USP14: variants seen among roughly 807,000 people sequenced by gnomAD.
USP14 encodes ubiquitin carboxyl-terminal hydrolase 14.
A neutral mutation model predicts 76.5 loss-of-function variants in USP14; 38 were observed. The ratio of observed to expected loss-of-function variants is 0.50; its 90% CI spans 0.38 to 0.65. The LOEUF (loss-of-function observed/expected upper bound fraction) is 0.65, where lower values mean the gene tolerates loss of function less well. Ranked by LOEUF, USP14 falls within the 30% of genes least tolerant of loss-of-function variation. USP14 has a pLI of 0.00. For synonymous variants in USP14, 192 were observed against 191.7 expected, an observed-to-expected ratio of 1.00 and a Z score of -0.01; for missense variants, 467 against 586.5, an observed-to-expected ratio of 0.80 and a Z score of 2.10.
In USP14 at chr18:159,490, AAT is replaced by A. The variant is rs372108424; in HGVS notation, c.16+779_16+780del. On this transcript the variant is annotated intron_variant, in intron 1 of 15. Transcript: ENST00000261601. ...TAGCCTTATTCAAAATGGCACCTAA[AAT>A]ATGTGTGGTGTCTCCAATTGGCTGT... is the stretch of plus-strand genomic sequence containing the variant. 3.5e-3 allele frequency among the ~76,000 whole-genome samples: 539 copies of A among 152,276 alleles called. 1 individual carries two copies. Among genetic ancestry groups the A allele is most frequent in the African/African-American group, 0.012 (502 of 41,554 alleles).
rs183766525 is a variant in USP14, at chr18:204,583, T to C, written c.1055T>C (p.Met352Thr). The C allele has an allele frequency of 4.1e-5, 65 of 1,601,012 alleles. No individual in the cohort carries two copies. In the East Asian group the frequency reaches 1.3e-3, roughly 33 times the overall value. Reference sequence around the variant, plus strand: ...ATATAGGATGTTAAATTTCCTCTTATGTTGGATATGTATGAACTGTGTACA... The same window carrying C: ...ATATAGGATGTTAAATTTCCTCTTACGTTGGATATGTATGAACTGTGTACA... ...KVLKDVKFPLMLDMYELCTPE... is the reference protein window; with the variant it reads ...KVLKDVKFPLTLDMYELCTPE... Residue 352 changes from methionine to threonine, a missense_variant, in exon 13 of 16, where the codon ATG becomes ACG. By Grantham distance (81) the Met-to-Thr change is moderately conservative. Transcript: ENST00000261601.
intron 3 of USP14, among the ~76,000 whole-genome samples, chr18:170,969 T>G (rs1005136997): frequency 7.0e-6 from 1 of 143,340 alleles, no homozygotes; most frequent in African/African-American, 2.6e-5. Context: ...TGTTTACCTG[T>G]GTAACAAGCA....
rs1251157229 is a variant in USP14, at chr18:198,130, T to C, written c.759T>C (p.Thr253=). ...IDQFFGVEFE[T]TMKCTESEEE... is the part of the protein sequence containing the mutation. Reference sequence around the variant, plus strand: ...AGTTCTTCGGTGTTGAGTTTGAAACTACGTATCCTTATGAGCCAAGATATA... The same window carrying C: ...AGTTCTTCGGTGTTGAGTTTGAAACCACGTATCCTTATGAGCCAAGATATA... The change falls in exon 9 of 16, where the codon ACT becomes ACC. Residue 253 remains threonine (T), a splice_region_variant and synonymous_variant. Coordinates refer to ENST00000261601, the MANE Select transcript of USP14 (RefSeq NM_005151.4). The C allele has an allele frequency of 6.2e-7, 1 of 1,603,168 alleles. No individual in the cohort carries two copies. Among genetic ancestry groups the C allele is most frequent in the Non-Finnish European group, 8.5e-7 (1 of 1,173,360 alleles).
In USP14 at chr18:213,287, C is replaced by CAA. The variant is rs1031280706; in HGVS notation, c.*2005_*2006dup. The stretch of plus-strand genomic sequence containing the variant: ...TAGACCAGGTGAGCTAGGTTTAGAG[C>CAA]AAAGTATATAAGCCTTGTATGGACT... On this transcript the variant is annotated 3_prime_UTR_variant, in exon 16 of 16. Coordinates refer to ENST00000261601, the MANE Select transcript of USP14 (RefSeq NM_005151.4). The CAA allele has an allele frequency of 1.3e-5, 2 of 152,058 alleles. No homozygotes were observed. Among genetic ancestry groups the CAA allele is most frequent in the African/African-American group, 4.8e-5 (2 of 41,420 alleles). The allele number at this position is 152,058 out of a possible 1,614,324, so 9.4% of individuals were successfully genotyped here.
intron 5 of USP14, among the ~76,000 whole-genome samples, chr18:189,042 A>G (rs1325079754): frequency 6.6e-6 from 1 of 151,864 alleles, no homozygotes; most frequent in Non-Finnish European, 1.5e-5. Flanking sequence ...ATATTTTCCT[A>G]CAAAATTGTC....
chr18:158,593 C>G lies in USP14; in HGVS notation c.-106C>G. On this transcript the variant is annotated 5_prime_UTR_variant, in exon 1 of 16. Coordinates refer to ENST00000261601, the MANE Select transcript of USP14 (RefSeq NM_005151.4). ...GTCGCACCGAAGCCGCCGCCACCACCGCGCCTCCGCCTCGGCCGCCGCCGC... is the reference window on the plus strand; with the variant it reads ...GTCGCACCGAAGCCGCCGCCACCACGGCGCCTCCGCCTCGGCCGCCGCCGC... 2 of 1,246,712 alleles carry G rather than the reference C, an allele frequency of 1.6e-6. No individual in the cohort carries two copies. The highest frequency in any genetic ancestry group is 1.4e-5 in the South Asian group (1 of 71,770). 77.2% of individuals were successfully genotyped at this position (1,246,712 alleles called of 1,614,324 possible).
intron 4 of USP14, among the ~76,000 whole-genome samples, chr18:179,301 G>C (rs971499761): frequency 4.6e-5 from 7 of 151,828 alleles, no homozygotes; most frequent in Non-Finnish European, 8.8e-5. Flanking sequence ...ATTTACTTAG[G>C]CTTAACTTAC....
At position 209,982 on chromosome 18, in the gene USP14, G is replaced by T. The variant is rs779577524; in HGVS notation, c.1176G>T (p.Lys392Asn). The T allele has an allele frequency of 5.6e-6, 9 of 1,602,022 alleles. No homozygotes were observed. The highest frequency in any genetic ancestry group is 7.7e-6 in the Non-Finnish European group (9 of 1,176,104). The change falls in exon 14 of 16, where the codon AAG becomes AAT. Residue 392 changes from lysine to asparagine, a missense_variant. By Grantham distance (94) the Lys-to-Asn change is moderately conservative (BLOSUM62 0). Coordinates refer to ENST00000261601, the MANE Select transcript of USP14 (RefSeq NM_005151.4). ...TTTTTTCTCCTCAGAGTGACAAAAA[G>T]AGTAGTCCCCAGAAAGAAGTTAAGT... ...VNQQPNTSDK[K>N]SSPQKEVKYE...
At chr18:179,274 T>G (rs1441276338) in intron 4 of USP14, among the ~76,000 whole-genome samples, 1 of 152,156 alleles carries the variant, frequency 6.6e-6, no homozygotes, top group Non-Finnish European at 1.5e-5. Flanking sequence ...ACTACTGGTT[T>G]TCAGACTTCC....
intron 2 of USP14, among the ~76,000 whole-genome samples, chr18:164,500 C>T (rs1440180392): frequency 2.0e-5 from 3 of 151,870 alleles, no homozygotes; most frequent in Non-Finnish European, 2.9e-5. Flanking sequence ...GTTGCCCATG[C>T]TGGAGTGCAG....
At chr18:170,511 C>G (rs1477362975) in intron 3 of USP14, among the ~76,000 whole-genome samples, 1 of 152,038 alleles carries the variant, frequency 6.6e-6, no homozygotes, top group East Asian at 1.9e-4. Context: ...GTCCAGTTTT[C>G]AAAGGAAATT....
At chr18:179,367 GTATTTACTATTAC>G (rs371023410) in intron 4 of USP14, among the ~76,000 whole-genome samples, 21 of 151,996 alleles carry the variant, frequency 1.4e-4, no homozygotes, top group African/African-American at 5.1e-4. Context: ...TACTATATAA[GTATTTACTATTAC>G]TATTTTATGA....
Position 196,732 on chromosome 18 carries a change from G to T in USP14, c.559G>T (p.Ala187Ser). 6.2e-7 allele frequency: 1 copy of T among 1,614,036 alleles called. No homozygotes were observed. The highest frequency in any genetic ancestry group is 8.5e-7 in the Non-Finnish European group (1 of 1,179,988). The change falls in exon 7 of 16, where the codon GCC (alanine) becomes TCC (serine). Residue 187 changes from alanine (A) to serine (S), a missense_variant. By Grantham distance (99) the Ala-to-Ser change is moderately conservative. Transcript: ENST00000261601. ...TTTGCACATGGCTTTCCCACAGTTT[G>T]CCGAGAAAGGTGAACAAGGACAGTA... ...QFLHMAFPQF[A>S]EKGEQGQYLQ...
chr18:209,589 AGTT>A (rs979311214), intron 13 of USP14, among the ~76,000 whole-genome samples: 15 of 152,276 alleles, frequency 9.9e-5, no homozygotes, highest in African/African-American at 3.4e-4. Context: ...TTTTAGAGGT[AGTT>A]GTTTTTTCCC....
intron 6 of USP14, among the ~76,000 whole-genome samples, chr18:194,432 T>G (rs1225775283): frequency 6.6e-6 from 1 of 152,238 alleles, no homozygotes; most frequent in African/African-American, 2.4e-5. Context: ...TTTTTAACTT[T>G]TTGTTTTGAA....
In USP14 at chr18:181,831, T is replaced by C. The variant is rs1030337220; in HGVS notation, c.404+1492T>C. Among the ~76,000 whole-genome samples the C allele has an allele frequency of 6.8e-4, 104 of 152,292 alleles. 1 individual carries two copies. Among genetic ancestry groups the C allele is most frequent in the African/African-American group, 2.3e-3 (95 of 41,586 alleles). On this transcript the variant is annotated intron_variant, in intron 5 of 15. Transcript: ENST00000261601. ...TCTAGGTTACAAAGACTTACTTCTT[T>C]GTTGTTTTTCAAGAGTTAATATACT...
chr18:172,079 A>G (rs1418301858), intron 3 of USP14, among the ~76,000 whole-genome samples: 1 of 152,164 alleles, frequency 6.6e-6, no homozygotes, highest in South Asian at 2.1e-4. Context: ...TGTCTCTACA[A>G]AAAATAAAAT....
intron 14 of USP14, 51 bp downstream of exon 14, chr18:210,082 G>C: frequency 7.0e-7 from 1 of 1,423,548 alleles, no homozygotes; most frequent in Non-Finnish European, 9.6e-7. Context: ...GTCTTTTTAA[G>C]GTAAAATTTA....
chr18:214,002 A>ATAGATGATGAT lies in USP14; in HGVS notation c.*2719_*2720insAGATGATGATT, dbSNP rs1555603868. On this transcript the variant is annotated 3_prime_UTR_variant, in exon 16 of 16. Coordinates refer to ENST00000261601, the MANE Select transcript of USP14 (RefSeq NM_005151.4). Reference sequence around the variant, plus strand: ...AGATAGATAGATAGATAGATAGATGATGATTGATTGATGATTGATAGTAAA... The same window carrying ATAGATGATGAT: ...AGATAGATAGATAGATAGATAGATGATAGATGATGATTGATTGATTGATGATTGATAGTAAA... 27 of 125,278 alleles carry ATAGATGATGAT rather than the reference A, an allele frequency of 2.2e-4. No homozygotes were observed. Among genetic ancestry groups the ATAGATGATGAT allele is most frequent in the African/African-American group, 6.8e-4 (24 of 35,124 alleles). The allele number at this position is 125,278 out of a possible 1,614,324, so 7.8% of individuals were successfully genotyped here.
Sources: gnomAD v4.1 joint callset for allele counts (sites outside exome capture counted in the v4.1 genomes callset) on GRCh38, gnomAD v4.1.1 for gene constraint, MANE v1.5 for transcripts, NCBI Gene and HGNC (gene_info 2026-07-23, HGNC 2026-07-21) for gene names.